ZIC4: variants seen among roughly 807,000 people sequenced by gnomAD.
ZIC4 encodes the protein Zic family zinc finger 4, also known as zinc finger protein ZIC 4.
A neutral mutation model predicts 28.8 loss-of-function variants in ZIC4; 15 were observed. That is an observed-to-expected ratio of 0.52 (90% CI 0.35 to 0.80). ZIC4 has a LOEUF of 0.80. Among genes scored for constraint, ZIC4 ranks in the 30% least tolerant of loss-of-function variants. ZIC4 has a pLI of 0.01. For synonymous variants in ZIC4, 220 were observed against 198.1 expected (o/e 1.11, Z -0.93); for missense variants, 512 against 467.1 (o/e 1.10, Z -0.89).
chr3:147,389,204 A>T, intron 4 of ZIC4: 1 of 341,742 alleles, frequency 2.9e-6, no homozygotes, highest in Non-Finnish European at 5.3e-6. Context: ...CTAAAGGTGT[A>T]TTTGGAAGAC....
chr3:147,404,325 G>C (rs1043660674), intron 1 of ZIC4: 3 of 1,327,974 alleles, frequency 2.3e-6, no homozygotes, highest in Non-Finnish European at 2.9e-6. Context: ...CAGACCCATA[G>C]ACATGCAAAC....
chr3:147,404,407 C>T, intron 1 of ZIC4: 1 of 628,128 alleles, frequency 1.6e-6, no homozygotes, highest in Non-Finnish European at 2.1e-6. Flanking sequence ...TTCCATCACA[C>T]AGCCTACACA....
chr3:147,396,645 T>G lies in ZIC4; in HGVS notation c.71-176A>C. 1 of 725,230 alleles carries G rather than the reference T, an allele frequency of 1.4e-6. No homozygotes were observed. Among genetic ancestry groups the G allele is most frequent in the Non-Finnish European group, 2.0e-6 (1 of 496,642 alleles). 44.9% of individuals were successfully genotyped at this position (725,230 alleles called of 1,614,324 possible). A position where few individuals can be genotyped will look rare whatever the true frequency, so the allele number is the denominator to read the frequency against. ...GGTGGACAGAGCAAGGCCAAACACC[T>G]CCGCCGCCATTGGGCCGAATTGCTG... On this transcript the variant is annotated intron_variant, in intron 2 of 4. Coordinates refer to ENST00000383075, the MANE Select transcript of ZIC4 (RefSeq NM_032153.6). This position sits in a 1 kb window ranked among gnomAD's most constrained non-coding sequence, Gnocchi z 4.2.
In ZIC4 at chr3:147,386,622, C is replaced by T. The variant is rs1249671192; in HGVS notation, c.*2237G>A. 6.6e-6 allele frequency: 1 copy of T among 152,400 alleles called. No individual in the cohort carries two copies. The highest frequency in any genetic ancestry group is 1.5e-5 in the Non-Finnish European group (1 of 68,038). 9.4% of individuals were successfully genotyped at this position (152,400 alleles called of 1,614,324 possible). A position where few individuals can be genotyped will look rare whatever the true frequency, so the allele number is the denominator to read the frequency against. ...TTATTTATTTAAACCACCTTTAAAA[C>T]CACCACAGGAGTTTTGGGGAAACCT... is the stretch of plus-strand genomic sequence containing the variant. On this transcript the variant is annotated 3_prime_UTR_variant, in exon 5 of 5. Transcript: ENST00000383075.
chr3:147,389,883 A>G (rs2107962492), intron 4 of ZIC4, among the ~76,000 whole-genome samples: 1 of 152,038 alleles, frequency 6.6e-6, no homozygotes, highest in Admixed American at 6.5e-5. Flanking sequence ...AGGTCTCTCC[A>G]CTTTAGAGGC....
In ZIC4 at chr3:147,391,035, C is replaced by A. The variant is rs771134809; in HGVS notation, c.900G>T (p.Ser300=). The change falls in exon 4 of 5, where the codon TCG becomes TCT. Residue 300 remains serine, a synonymous_variant. Transcript: ENST00000383075. ...RSPPPSSGYD[S]ATPSALVSPS... The stretch of plus-strand genomic sequence containing the variant: ...GCGACACGAGGGCAGACGGTGTAGC[C>A]GAATCGTAGCCAGAGCTGGGCGGCG... 51 of 1,613,890 alleles carry A rather than the reference C, an allele frequency of 3.2e-5. No individual in the cohort carries two copies. Among genetic ancestry groups the A allele is most frequent in the Middle Eastern group, 3.3e-4 (2 of 6,060 alleles).
At chr3:147,405,349 G>T (rs1205751906) in intron 1 of ZIC4, 6 of 1,527,576 alleles carry the variant, frequency 3.9e-6, no homozygotes, top group African/African-American at 1.4e-5. Context: ...GGACAATACT[G>T]TCGGAAAGCG....
intron 3 of ZIC4, among the ~76,000 whole-genome samples, chr3:147,395,306 G>A (rs1161810385): frequency 2.0e-5 from 3 of 152,148 alleles, no homozygotes; most frequent in African/African-American, 4.8e-5. Context: ...GTGCTAAAGC[G>A]AAAGTGAGGG....
chr3:147,396,124 G>T lies in ZIC4; in HGVS notation c.416C>A (p.Ala139Glu), dbSNP rs751075986. ...ICKWLAADGT[A>E]TPSLCSKTFS... is the part of the protein sequence containing the mutation. ...AGTTTTGGAGCAGAGGCTCGGGGTC[G>T]CGGTGCCGTCGGCCGCCAGCCACTT... is the stretch of plus-strand genomic sequence containing the variant. The change falls in exon 3 of 5, where the codon GCG (alanine) becomes GAG (glutamate). Residue 139 changes from alanine (A) to glutamate (E), a missense_variant. Coordinates refer to ENST00000383075, the MANE Select transcript of ZIC4 (RefSeq NM_032153.6). The surrounding 1 kb of genome is among the most constrained non-coding windows in gnomAD (Gnocchi z 4.2). 9.9e-6 allele frequency: 16 copies of T among 1,614,004 alleles called. No individual in the cohort carries two copies. The highest frequency in any genetic ancestry group is 1.2e-5 in the Non-Finnish European group (14 of 1,180,022).
rs1034968918 is a variant in ZIC4 at position 147,386,490 on chromosome 3, G to A, written c.*2369C>T. 4.6e-5 allele frequency: 7 copies of A among 152,624 alleles called. No individual in the cohort carries two copies. Among genetic ancestry groups the A allele is most frequent in the Non-Finnish European group, 8.8e-5 (6 of 68,032 alleles). The allele number at this position is 152,624 out of a possible 1,614,324, so 9.5% of individuals were successfully genotyped here. On this transcript the variant is annotated 3_prime_UTR_variant, in exon 5 of 5. Coordinates refer to ENST00000383075, the MANE Select transcript of ZIC4 (RefSeq NM_032153.6). ...AGTTAACAAATAAAATCAATATCAG[G>A]AAGAACATTTTGCAGCAACTATAAT...
chr3:147,401,771 A>G (rs773894276), intron 2 of ZIC4, among the ~76,000 whole-genome samples: 6 of 152,268 alleles, frequency 3.9e-5, no homozygotes, highest in Non-Finnish European at 7.3e-5. Flanking sequence ...TTTAAACATC[A>G]TTAATGGAAC....
intron 3 of ZIC4, among the ~76,000 whole-genome samples, chr3:147,394,586 G>A (rs1418235677): frequency 6.6e-6 from 1 of 152,118 alleles, no homozygotes; most frequent in African/African-American, 2.4e-5. Flanking sequence ...CTGGGGCCAG[G>A]ATTCCAGTGT....
Position 147,404,084 on chromosome 3 carries a change from A to G in ZIC4, c.-15-1272T>C, listed in dbSNP as rs779864346. 58 of 1,536,900 alleles carry G rather than the reference A, an allele frequency of 3.8e-5. No individual in the cohort carries two copies. Among genetic ancestry groups the G allele is most frequent in the Non-Finnish European group, 5.0e-5 (57 of 1,146,820 alleles). ...AAAGGAGGCCTAACTTTGCATTCCT[A>G]CAGAAGGGCGGCATGCTGGGCGTCC... On this transcript the variant is annotated intron_variant, in intron 1 of 4. Transcript: ENST00000383075.
At chr3:147,401,376 A>C (rs1282383255) in intron 2 of ZIC4, among the ~76,000 whole-genome samples, 1 of 152,234 alleles carries the variant, frequency 6.6e-6, no homozygotes, top group Non-Finnish European at 1.5e-5. Flanking sequence ...ATGCTAAATT[A>C]AATGATGATT....
At chr3:147,394,693 C>T (rs925851791) in intron 3 of ZIC4, among the ~76,000 whole-genome samples, 7 of 152,148 alleles carry the variant, frequency 4.6e-5, no homozygotes, top group African/African-American at 1.7e-4. Context: ...GGAAACCGTA[C>T]ACTTCCAGAC....
intron 1 of ZIC4, chr3:147,405,705 C>T (rs933714705): frequency 1.0e-5 from 6 of 576,626 alleles, no homozygotes; most frequent in Non-Finnish European, 1.5e-5. Context: ...AGAGCAGATC[C>T]CAGCAGTCAG....
intron 3 of ZIC4, among the ~76,000 whole-genome samples, chr3:147,393,115 T>C (rs2107968919): frequency 6.6e-6 from 1 of 151,956 alleles, no homozygotes; most frequent in East Asian, 1.9e-4. Flanking sequence ...AATTAGAATT[T>C]GGTGCCCCTC....
chr3:147,399,704 C>G (rs1382863939), intron 2 of ZIC4, among the ~76,000 whole-genome samples: 1 of 143,960 alleles, frequency 6.9e-6, no homozygotes, highest in African/African-American at 2.6e-5. Context: ...CTCCCTCTGT[C>G]GCCCAGGCTG....
chr3:147,391,030 G>A lies in ZIC4; in HGVS notation c.905C>T (p.Thr302Ile). 6.2e-7 allele frequency: 1 copy of A among 1,613,826 alleles called. No homozygotes were observed. The highest frequency in any genetic ancestry group is 8.5e-7 in the Non-Finnish European group (1 of 1,179,996). ...PPPSSGYDSATPSALVSPSSD... is the reference protein window; with the variant it reads ...PPPSSGYDSAIPSALVSPSSD... ...CGAGGGCGACACGAGGGCAGACGGT[G>A]TAGCCGAATCGTAGCCAGAGCTGGG... The change falls in exon 4 of 5, where the codon ACA becomes ATA. Residue 302 changes from threonine to isoleucine, a missense_variant. Thr to Ile is a moderately conservative substitution (Grantham distance 89). This residue lies in a region of ZIC4 where 144 missense variants were observed against 116.8 expected (regional missense o/e 1.23). Coordinates refer to ENST00000383075, the MANE Select transcript of ZIC4 (RefSeq NM_032153.6).
Sources: allele counts gnomAD v4.1 joint callset (sites outside exome capture counted in the v4.1 genomes callset), GRCh38; gene constraint gnomAD v4.1.1; regional missense constraint gnomAD v4.1.1; non-coding constraint Gnocchi (gnomAD v3.1); transcripts MANE v1.5; gene names NCBI Gene and HGNC (gene_info 2026-07-23, HGNC 2026-07-21).